Variants in FNBP4 observed in about 807,000 individuals in gnomAD.
The protein encoded by FNBP4 is formin-binding protein 4.
Under a neutral mutation model 119.3 loss-of-function variants are expected in FNBP4, and 34 were observed. That is an observed-to-expected ratio of 0.28 (90% confidence interval 0.22 to 0.38). The LOEUF (loss-of-function observed/expected upper bound fraction) is 0.38. FNBP4 is among the 10% of genes least tolerant of loss of function. FNBP4 has a pLI of 1.00. For synonymous variants in FNBP4, 462 were observed against 430.6 expected (o/e 1.07, Z -0.90); for missense variants, 1,112 against 1,228.9 (o/e 0.90, Z 1.42).
At chr11:47,735,619 C>T (rs1032135521) in intron 9 of FNBP4, among the ~76,000 whole-genome samples, 2 of 152,154 alleles carry the variant, frequency 1.3e-5, no homozygotes, top group African/African-American at 4.8e-5. Flanking sequence ...TTGAAGAAAG[C>T]AATTGAGCAG....
At chr11:47,725,055 A>G in intron 12 of FNBP4, 1 of 296,738 alleles carries the variant, frequency 3.4e-6, no homozygotes, top group Non-Finnish European at 6.2e-6. Flanking sequence ...ACTTCATAGC[A>G]CCTTCCCCAT....
chr11:47,745,726 C>G (rs936456545), intron 7 of FNBP4, among the ~76,000 whole-genome samples: 1 of 152,068 alleles, frequency 6.6e-6, no homozygotes, highest in African/African-American at 2.4e-5. Context: ...ATAGTCCTAC[C>G]GATATGTGAT....
intron 12 of FNBP4, among the ~76,000 whole-genome samples, chr11:47,728,404 G>A (rs1025774706): frequency 2.0e-5 from 3 of 151,408 alleles, no homozygotes; most frequent in Non-Finnish European, 2.9e-5. Context: ...CACCCGCCAC[G>A]ACACCTGGCT....
intron 4 of FNBP4, 121 bp from the exon 5 acceptor site, chr11:47,751,411 G>A: frequency 8.7e-7 from 1 of 1,147,984 alleles, no homozygotes; most frequent in Non-Finnish European, 1.3e-6. Flanking sequence ...TGGGCACACA[G>A]GTCTTTGTTG....
In FNBP4 at chr11:47,751,237, A is replaced by T; in HGVS notation, c.691T>A (p.Tyr231Asn). ...TTTGTTTGTGTATTCCAATAATAAT[A>T]ACATCCCGTGTTCTCATCCCAGACT... ...QEVWDENTGC[Y>N]YYWNTQTNEV... is the part of the protein sequence containing the mutation. Residue 231 changes from tyrosine (Y) to asparagine (N), a missense_variant, in exon 5 of 17, where the codon TAT becomes AAT. This residue lies in a region of FNBP4 where 826 missense variants were observed against 988.8 expected (regional missense o/e 0.84). Coordinates refer to ENST00000263773, the MANE Select transcript of FNBP4 (RefSeq NM_015308.5). The T allele has an allele frequency of 6.2e-7, 1 of 1,614,166 alleles. No homozygotes were observed. The highest frequency in any genetic ancestry group is 8.5e-7 in the Non-Finnish European group (1 of 1,180,036).
chr11:47,760,161 C>G (rs2097630259), intron 2 of FNBP4, among the ~76,000 whole-genome samples: 1 of 151,902 alleles, frequency 6.6e-6, no homozygotes, highest in African/African-American at 2.4e-5. Context: ...CAAACTTCTT[C>G]TAAACTCCTA....
chr11:47,723,881 T>G, intron 14 of FNBP4, 147 bp downstream of exon 14: 1 of 652,426 alleles, frequency 1.5e-6, no homozygotes, highest in Non-Finnish European at 2.3e-6. Context: ...TGTCAAAAGT[T>G]TTTTTTTTTT....
chr11:47,719,875 T>A, intron 16 of FNBP4, 54 bp downstream of exon 16: 1 of 1,583,184 alleles, frequency 6.3e-7, no homozygotes, highest in South Asian at 1.1e-5. Flanking sequence ...CATCTCATAG[T>A]AGGTCTCAAC....
At chr11:47,765,430 T>G in intron 1 of FNBP4, 68 bp from the exon 2 acceptor site, 20 of 1,036,942 alleles carry the variant, frequency 1.9e-5, no homozygotes, top group Non-Finnish European at 2.3e-5. Flanking sequence ...TGCAGTCAGA[T>G]TCCAGACCAG....
intron 8 of FNBP4, among the ~76,000 whole-genome samples, chr11:47,739,850 C>T (rs1402845006): frequency 6.6e-6 from 1 of 152,136 alleles, no homozygotes; most frequent in Non-Finnish European, 1.5e-5. Flanking sequence ...GCGATGTTGG[C>T]TCACCACAAC....
intron 8 of FNBP4, 154 bp downstream of exon 8, chr11:47,743,799 G>C (rs1405514223): frequency 1.5e-6 from 1 of 670,986 alleles, no homozygotes; most frequent in Non-Finnish European, 2.5e-6. Context: ...ATCTGGAAAA[G>C]GTAGAGAGGT....
At chr11:47,761,655 C>T (rs1474835329) in intron 2 of FNBP4, among the ~76,000 whole-genome samples, 4 of 151,774 alleles carry the variant, frequency 2.6e-5, no homozygotes, top group Non-Finnish European at 5.9e-5. Context: ...CGGTGGCTCA[C>T]ATCTATAATC....
intron 4 of FNBP4, among the ~76,000 whole-genome samples, chr11:47,752,234 G>A: frequency 6.6e-6 from 1 of 151,346 alleles, no homozygotes; most frequent in East Asian, 2.0e-4. Flanking sequence ...GACCAGCTTT[G>A]CCAACATCGT....
chr11:47,747,671 C>T (rs752862534), intron 6 of FNBP4, among the ~76,000 whole-genome samples: 15 of 152,108 alleles, frequency 9.9e-5, no homozygotes, highest in South Asian at 2.1e-4. Context: ...ATTCCTAGGC[C>T]GGGCGCAGTG....
intron 3 of FNBP4, among the ~76,000 whole-genome samples, chr11:47,753,336 C>T (rs1255661689): frequency 1.3e-5 from 2 of 152,056 alleles, no homozygotes; most frequent in African/African-American, 4.8e-5. Flanking sequence ...TTAGGCTGGG[C>T]ACGGTGGCTC....
In FNBP4 at chr11:47,736,595, T is replaced by C. The variant is rs753533471; in HGVS notation, c.1581+21A>G. The C allele has an allele frequency of 1.9e-6, 3 of 1,546,060 alleles. No individual in the cohort carries two copies. In the Admixed American group the frequency reaches 6.1e-5, roughly 31 times the overall value. On this transcript the variant is annotated intron_variant, in intron 9 of 16. Transcript: ENST00000263773. ...TAATAATAATAAAAATTTGTCAAGT[T>C]GCATTAAGTAATATACATACTTTCA...
At position 47,732,364 on chromosome 11, in the gene FNBP4, C is replaced by T; in HGVS notation, c.1820+173G>A. The T allele has an allele frequency of 6.6e-7, 1 of 1,507,040 alleles. No individual in the cohort carries two copies. Among genetic ancestry groups the T allele is most frequent in the Non-Finnish European group, 8.8e-7 (1 of 1,132,004 alleles). 93.4% of individuals were successfully genotyped at this position (1,507,040 alleles called of 1,614,324 possible). ...AACACTTTAAACATTGCTTTTGTTT[C>T]TCCAATGTGTGGCTGGCCAAACTTT... On this transcript the variant is annotated intron_variant, in intron 11 of 16. Coordinates refer to ENST00000263773, the MANE Select transcript of FNBP4 (RefSeq NM_015308.5). The surrounding 1 kb of genome is among the most constrained non-coding windows in gnomAD (Gnocchi z 4.2).
intron 1 of FNBP4, among the ~76,000 whole-genome samples, chr11:47,765,882 T>G (rs7124396): frequency 0.62 from 70,362 of 114,376 alleles, 20,489 homozygotes; most frequent in Admixed American, 0.69. Context: ...AGACGGAGTT[T>G]CGCTCTTGTC....
rs766783813 is a variant in FNBP4, at chr11:47,751,045, A to G, written c.786-9T>C. 1 of 1,613,110 alleles carries G rather than the reference A, an allele frequency of 6.2e-7. No individual in the cohort carries two copies. The highest frequency in any genetic ancestry group is 1.7e-5 in the Admixed American group (1 of 59,682). ...CAGCACCTGGCACAGAACTAAAAAA[A>G]TATATACTTAGCAAGAGAAATATAA... On this transcript the variant is annotated splice_polypyrimidine_tract_variant and intron_variant, in intron 5 of 16. Transcript: ENST00000263773.
Sources: gnomAD v4.1 joint callset for allele counts (sites outside exome capture counted in the v4.1 genomes callset) on GRCh38, gnomAD v4.1.1 for gene constraint, gnomAD v4.1.1 regional missense constraint, Gnocchi (gnomAD v3.1) non-coding constraint, MANE v1.5 for transcripts, NCBI Gene and HGNC (gene_info 2026-07-23, HGNC 2026-07-21) for gene names.